The following THBS4 variants were observed in gnomAD, a reference collection of about 807,000 sequenced individuals.
THBS4 encodes the protein thrombospondin 4.
THBS4 carries 90 observed loss-of-function variants against 115.7 expected under a neutral mutation model. The observed-to-expected ratio is 0.78, with a 90% CI of 0.66 to 0.93. The LOEUF is 0.93. Ranked by LOEUF, THBS4 falls within the 40% of genes least tolerant of loss-of-function variation. THBS4 has a pLI of 0.00. For synonymous variants in THBS4, 460 were observed against 479.3 expected (o/e 0.96, Z 0.53); for missense variants, 1,087 against 1,232.7 (o/e 0.88, Z 1.77).
chr5:80,060,675 G>A (rs72774222), intron 7 of THBS4, among the ~76,000 whole-genome samples: 305 of 152,274 alleles, frequency 2.0e-3, no homozygotes, highest in Non-Finnish European at 3.6e-3. Context: ...CAGGAGGATT[G>A]CCTGAGGCAG....
At chr5:80,023,787 G>A (rs927571580) in intron 2 of THBS4, among the ~76,000 whole-genome samples, 2 of 152,142 alleles carry the variant, frequency 1.3e-5, no homozygotes, top group Non-Finnish European at 1.5e-5. Flanking sequence ...AAGCAAAAGG[G>A]GAGCTGGTGT....
Position 80,058,241 on chromosome 5 carries a change from C to T in THBS4, c.576C>T (p.Gly192=). 1 of 1,578,958 alleles carries T rather than the reference C, an allele frequency of 6.3e-7. No homozygotes were observed. Among genetic ancestry groups the T allele is most frequent in the Non-Finnish European group, 8.6e-7 (1 of 1,160,974 alleles). ...AAGAGCTGAAGCTGGTGGTGAGAGG[C>T]TCACTGTTCCAGGTGGCCAGCCTGC... ...FLEELKLVVR[G]SLFQVASLQD... Residue 192 remains glycine (G), a synonymous_variant, in exon 4 of 22, where the codon GGC becomes GGT. Transcript: ENST00000350881.
At chr5:80,081,735 G>T (rs547817276) in intron 20 of THBS4, among the ~76,000 whole-genome samples, 2 of 152,350 alleles carry the variant, frequency 1.3e-5, no homozygotes, top group Admixed American at 1.3e-4. Context: ...AAGTGAGTCA[G>T]GTTCTAGGCC....
intron 2 of THBS4, among the ~76,000 whole-genome samples, chr5:80,044,765 C>G (rs992006271): frequency 4.6e-5 from 7 of 151,806 alleles, no homozygotes; most frequent in Admixed American, 3.3e-4. Context: ...TATTGAAGGG[C>G]TTTTGGAATA....
At chr5:80,034,663 A>C (rs1832652880), upstream of THBS4, among the ~76,000 whole-genome samples, 1 of 151,392 alleles carries the variant, frequency 6.6e-6, no homozygotes, top group Non-Finnish European at 1.5e-5. Flanking sequence ...CTGAAAACGA[A>C]TTATCCATAA....
chr5:80,013,297 G>A (rs917902339), intron 2 of THBS4, among the ~76,000 whole-genome samples: 2 of 151,062 alleles, frequency 1.3e-5, no homozygotes, highest in South Asian at 2.1e-4. Context: ...CCACCACTAC[G>A]CCTGCCTAAT....
chr5:80,055,432 C>T (rs1303640663), intron 2 of THBS4, among the ~76,000 whole-genome samples: 13 of 152,110 alleles, frequency 8.5e-5, no homozygotes, highest in Admixed American at 5.9e-4. Context: ...TCATGCTCTA[C>T]GCTTATATAG....
chr5:80,014,417 G>C (rs776155943), intron 2 of THBS4, among the ~76,000 whole-genome samples: 3 of 152,134 alleles, frequency 2.0e-5, no homozygotes, highest in Non-Finnish European at 4.4e-5. Context: ...AGATGTGGTG[G>C]GATCTCTGGA....
chr5:80,069,802 C>T (rs137985721), intron 10 of THBS4, among the ~76,000 whole-genome samples: 75 of 152,326 alleles, frequency 4.9e-4, no homozygotes, highest in African/African-American at 1.8e-3. Flanking sequence ...ATCCTGGTTG[C>T]AGAGGGAGAG....
chr5:80,005,817 A>G (rs1832004213), intron 2 of THBS4, among the ~76,000 whole-genome samples: 1 of 129,304 alleles, frequency 7.7e-6, no homozygotes, highest in Non-Finnish European at 1.5e-5. Context: ...CCCAGGCTGG[A>G]GTGCAGTGGC....
chr5:79,994,962 A>G (rs138429066), intron 1 of THBS4, among the ~76,000 whole-genome samples: 1 of 152,362 alleles, frequency 6.6e-6, no homozygotes, highest in Non-Finnish European at 1.5e-5. Context: ...AAGGGTGGGT[A>G]CGTTGCATTT....
At chr5:80,024,941 G>T (rs1464587173) in intron 2 of THBS4, among the ~76,000 whole-genome samples, 1 of 152,088 alleles carries the variant, frequency 6.6e-6, no homozygotes, top group Non-Finnish European at 1.5e-5. Context: ...TCCACTTTCT[G>T]GCATTTCCTT....
chr5:80,070,898 A>C, intron 12 of THBS4, 123 bp from the exon 13 acceptor site: 1 of 1,577,434 alleles, frequency 6.3e-7, no homozygotes. Context: ...ACCCTATAAG[A>C]TTCACAGATG....
chr5:80,058,240 G>C lies in THBS4; in HGVS notation c.575G>C (p.Gly192Ala). 1.2e-5 allele frequency: 19 copies of C among 1,578,956 alleles called. No individual in the cohort carries two copies. Among genetic ancestry groups the C allele is most frequent in the Non-Finnish European group, 1.6e-5 (19 of 1,161,018 alleles). The change falls in exon 4 of 22, where the codon GGC becomes GCC. Residue 192 changes from glycine to alanine, a missense_variant. By Grantham distance (60) the Gly-to-Ala change is moderately conservative. Around this residue, in one of 3 missense-constraint regions of THBS4, gnomAD observed 979 missense variants for 1,103.7 expected, o/e 0.89. Transcript: ENST00000350881. ...GAAGAGCTGAAGCTGGTGGTGAGAG[G>C]CTCACTGTTCCAGGTGGCCAGCCTG... ...FLEELKLVVR[G>A]SLFQVASLQD...
chr5:80,033,520 G>A (rs780530522), upstream of THBS4, among the ~76,000 whole-genome samples: 1 of 152,192 alleles, frequency 6.6e-6, no homozygotes, highest in Non-Finnish European at 1.5e-5. Flanking sequence ...ACCTGCAAGA[G>A]TCACAAAGAA....
At chr5:80,042,658 A>G (rs1285938866) in intron 2 of THBS4, among the ~76,000 whole-genome samples, 1 of 152,208 alleles carries the variant, frequency 6.6e-6, no homozygotes, top group Admixed American at 6.5e-5. Flanking sequence ...AAGAATCACC[A>G]GTAATATGAG....
Position 80,075,458 on chromosome 5 carries a change from C to T in THBS4, c.1893-1397C>T, listed in dbSNP as rs191993869. ...ATTGGTATCACAGTACAAGGAAAGGCACATCAGCAACAGAGCCTGACATCA... is the reference window on the plus strand; with the variant it reads ...ATTGGTATCACAGTACAAGGAAAGGTACATCAGCAACAGAGCCTGACATCA... On this transcript the variant is annotated intron_variant, in intron 15 of 21. Transcript: ENST00000350881. The T allele has an allele frequency of 3.5e-3, 538 of 152,300 alleles. 2 individuals carry two copies. The highest frequency in any genetic ancestry group is 4.7e-3 in the Non-Finnish European group (323 of 68,026). 9.4% of individuals were successfully genotyped at this position (152,300 alleles called of 1,614,324 possible). A position where few individuals can be genotyped will look rare whatever the true frequency, so the allele number is the denominator to read the frequency against.
At chr5:80,031,678 G>A (rs1832589838), upstream of THBS4, among the ~76,000 whole-genome samples, 1 of 152,180 alleles carries the variant, frequency 6.6e-6, no homozygotes. Context: ...TGCTATCATG[G>A]CAAAGGCAAA....
chr5:80,082,531 A>AGTT lies in THBS4; in HGVS notation c.2812_2813insTGT (p.Lys937_Tyr938insLeu), dbSNP rs751185049. ...GAAAACATCATCTGGTCCAACCTCAAGTATCGCTGCAATGGTAATGTGCAT... is the reference window on the plus strand; with the variant it reads ...GAAAACATCATCTGGTCCAACCTCAAGTTGTATCGCTGCAATGGTAATGTGCAT... On this transcript the variant is annotated inframe_insertion, in exon 21 of 22. Transcript: ENST00000350881. 1 of 1,614,220 alleles carries AGTT rather than the reference A, an allele frequency of 6.2e-7. No homozygotes were observed. Among genetic ancestry groups the AGTT allele is most frequent in the Non-Finnish European group, 8.5e-7 (1 of 1,180,050 alleles).
Sources: allele counts gnomAD v4.1 joint callset (sites outside exome capture counted in the v4.1 genomes callset), GRCh38; gene constraint gnomAD v4.1.1; regional missense constraint gnomAD v4.1.1; transcripts MANE v1.5; gene names NCBI Gene and HGNC (gene_info 2026-07-23, HGNC 2026-07-21).